Variants in PTP4A3 observed in about 807,000 individuals in gnomAD.
PTP4A3 encodes protein tyrosine phosphatase type IVA 3.
In PTP4A3, 9 loss-of-function variants were observed where a neutral mutation model predicts 15.2. The observed-to-expected ratio is 0.59, with a 90% confidence interval of 0.36 to 1.03. The LOEUF (loss-of-function observed/expected upper bound fraction) is 1.03, where lower values mean the gene tolerates loss of function less well. PTP4A3 is among the 50% of genes least tolerant of loss of function. The probability of loss-of-function intolerance (pLI) is 0.02; values close to 1 mark genes in which losing one functional copy is unlikely to be tolerated. For missense variants in PTP4A3, 234 were observed against 252.1 expected (o/e 0.93, Z 0.49); for synonymous variants, 95 against 102.0 (o/e 0.93, Z 0.41).
Position 141,431,216 on chromosome 8 carries a change from G to T in PTP4A3, c.*172G>T. ...TGCACTTGTGTCCGAGGAGCGAGGA[G>T]CCCCTCGGGCCCTGGGTGGCCTCTG... On this transcript the variant is annotated 3_prime_UTR_variant, in exon 6 of 6. Transcript: ENST00000521578. 1 of 628,918 alleles carries T rather than the reference G, an allele frequency of 1.6e-6. No homozygotes were observed. Among genetic ancestry groups the T allele is most frequent in the South Asian group, 2.0e-5 (1 of 51,152 alleles). 39.0% of individuals were successfully genotyped at this position (628,918 alleles called of 1,614,324 possible).
rs995538447 is a variant in PTP4A3, at chr8:141,400,588, G to T, written c.-854+8504G>T. On this transcript the variant is annotated intron_variant, in intron 1 of 5. Coordinates refer to ENST00000521578, the MANE Select transcript of PTP4A3 (RefSeq NM_032611.3). The stretch of plus-strand genomic sequence containing the variant: ...CCACCCCCATGATGGGCTCTCCTAA[G>T]TGAGGCCATGGACAGCCAGGATGTG... Among the ~76,000 whole-genome samples, 8 of 152,198 alleles carry T rather than the reference G, an allele frequency of 5.3e-5. No individual in the cohort carries two copies. In the East Asian group the frequency reaches 1.3e-3, roughly 26 times the overall value.
chr8:141,408,128 G>A (rs1832776615), intron 1 of PTP4A3, among the ~76,000 whole-genome samples: 4 of 152,320 alleles, frequency 2.6e-5, no homozygotes, highest in Admixed American at 1.3e-4. Context: ...GCCACGTGGT[G>A]TGTGAGGCCA....
Position 141,422,256 on chromosome 8 carries a change from C to G in PTP4A3, c.16C>G (p.Arg6Gly), listed in dbSNP as rs945482557. ...GGGAGGCGCCATGGCTCGGATGAAC[C>G]GCCCGGCCCCGGTGGAGGTGAGCTA... MARMN[R>G]PAPVEVSYKH... Residue 6 changes from arginine (R) to glycine (G), a missense_variant, in exon 2 of 6, where the codon CGC becomes GGC. Physicochemically the swap from Arg to Gly is moderately radical, Grantham distance 125. Transcript: ENST00000521578. The G allele has an allele frequency of 1.2e-6, 2 of 1,613,046 alleles. No homozygotes were observed. The highest frequency in any genetic ancestry group is 2.2e-5 in the South Asian group (2 of 91,084).
At position 141,422,028 on chromosome 8, in the gene PTP4A3, T is replaced by C; in HGVS notation, c.-213T>C. ...TAAGAGTTGGGTTTTCTTTTTTAAT[T>C]ATCCAAACAGTGGGCAGCTTCCTCC... On this transcript the variant is annotated 5_prime_UTR_variant, in exon 2 of 6. Coordinates refer to ENST00000521578, the MANE Select transcript of PTP4A3 (RefSeq NM_032611.3). 1.9e-6 allele frequency: 1 copy of C among 513,056 alleles called. No individual in the cohort carries two copies. The highest frequency in any genetic ancestry group is 3.4e-6 in the Non-Finnish European group (1 of 293,086). 31.8% of individuals were successfully genotyped at this position (513,056 alleles called of 1,614,324 possible). A position where few individuals can be genotyped will look rare whatever the true frequency, so the allele number is the denominator to read the frequency against.
intron 1 of PTP4A3, among the ~76,000 whole-genome samples, chr8:141,394,155 G>A (rs1832377076): frequency 6.6e-6 from 1 of 152,188 alleles, no homozygotes; most frequent in African/African-American, 2.4e-5. Flanking sequence ...CCAGATGGCG[G>A]TGATACAGCT....
intron 1 of PTP4A3, among the ~76,000 whole-genome samples, chr8:141,401,882 G>A (rs1000434477): frequency 2.0e-5 from 3 of 152,072 alleles, no homozygotes; most frequent in African/African-American, 4.8e-5. Flanking sequence ...CCCCTCCCCC[G>A]CTGTGGCCCC....
chr8:141,429,392 C>T (rs1253927689), intron 5 of PTP4A3, among the ~76,000 whole-genome samples: 1 of 152,282 alleles, frequency 6.6e-6, no homozygotes, highest in Non-Finnish European at 1.5e-5. Context: ...CCCTCAACGC[C>T]TGTCACCTCA....
intron 5 of PTP4A3, among the ~76,000 whole-genome samples, chr8:141,428,399 C>T (rs1326499217): frequency 6.6e-6 from 1 of 152,118 alleles, no homozygotes; most frequent in Non-Finnish European, 1.5e-5. Flanking sequence ...CCCAGGGGGT[C>T]CTGGGGGAGT....
At position 141,412,830 on chromosome 8, in the gene PTP4A3, G is replaced by C. The variant is rs1832905321; in HGVS notation, c.-853-8558G>C. Among the ~76,000 whole-genome samples the C allele has an allele frequency of 2.0e-5, 3 of 152,226 alleles. No individual in the cohort carries two copies. The South Asian group carries it at 6.2e-4, about 31-fold the overall frequency. Reference sequence around the variant, plus strand: ...TTGTGTGGGTGACTAACAAGGTCTGGGAGCTCAGGAGAGGGGCCCAGAGGC... The same window carrying C: ...TTGTGTGGGTGACTAACAAGGTCTGCGAGCTCAGGAGAGGGGCCCAGAGGC... On this transcript the variant is annotated intron_variant, in intron 1 of 5. Coordinates refer to ENST00000521578, the MANE Select transcript of PTP4A3 (RefSeq NM_032611.3).
In PTP4A3 at chr8:141,431,122, C is replaced by G. The variant is rs760814540; in HGVS notation, c.*78C>G. 7.2e-7 allele frequency: 1 copy of G among 1,398,042 alleles called. No individual in the cohort carries two copies. The highest frequency in any genetic ancestry group is 1.0e-6 in the Non-Finnish European group (1 of 993,040). 86.6% of individuals were successfully genotyped at this position (1,398,042 alleles called of 1,614,324 possible). A position where few individuals can be genotyped will look rare whatever the true frequency, so the allele number is the denominator to read the frequency against. ...CCTGGAGGCCCTGCCCAGCCCTGCTCTGCCCAGCCCAGCAGGGGCTCCAGG... is the reference window on the plus strand; with the variant it reads ...CCTGGAGGCCCTGCCCAGCCCTGCTGTGCCCAGCCCAGCAGGGGCTCCAGG... On this transcript the variant is annotated 3_prime_UTR_variant, in exon 6 of 6. Coordinates refer to ENST00000521578, the MANE Select transcript of PTP4A3 (RefSeq NM_032611.3).
At chr8:141,423,978 C>CGTGACCAGGATCAGGGCTCAGTGT (rs1167865688) in intron 2 of PTP4A3, among the ~76,000 whole-genome samples, 5 of 132,722 alleles carry the variant, frequency 3.8e-5, no homozygotes, top group Admixed American at 3.7e-4. Flanking sequence ...AGGCTCAGGA[C>CGTGACCAGGATCAGGGCTCAGTGT]GTGACCAGGA....
intron 1 of PTP4A3, among the ~76,000 whole-genome samples, chr8:141,395,164 G>A (rs985263745): frequency 2.0e-5 from 3 of 152,238 alleles, no homozygotes; most frequent in African/African-American, 7.2e-5. Context: ...TGGGGCACGA[G>A]CTGTGGGTTC....
intron 1 of PTP4A3, among the ~76,000 whole-genome samples, chr8:141,418,465 G>A (rs1563733582): frequency 6.6e-6 from 1 of 152,212 alleles, no homozygotes; most frequent in African/African-American, 2.4e-5. Flanking sequence ...TGTGGCCCTG[G>A]TGGAGAATGT....
At chr8:141,430,146 G>A (rs78170370) in intron 5 of PTP4A3, among the ~76,000 whole-genome samples, 1 of 148,382 alleles carries the variant, frequency 6.7e-6, no homozygotes, top group African/African-American at 2.5e-5. Flanking sequence ...TAAGGACCAG[G>A]TGGCGGGGAC....
At chr8:141,393,404 C>T (rs1301222967) in intron 1 of PTP4A3, among the ~76,000 whole-genome samples, 2 of 152,238 alleles carry the variant, frequency 1.3e-5, no homozygotes, top group African/African-American at 4.8e-5. Context: ...AGAAGCTGCC[C>T]TGTGTAGGAA....
At chr8:141,394,933 G>A (rs1011260949) in intron 1 of PTP4A3, among the ~76,000 whole-genome samples, 24 of 152,246 alleles carry the variant, frequency 1.6e-4, no homozygotes, top group Non-Finnish European at 2.5e-4. Flanking sequence ...GGTTGGGGGC[G>A]GCCCAGAGTG....
chr8:141,421,630 A>G lies in PTP4A3; in HGVS notation c.-611A>G, dbSNP rs1833334269. 6.5e-6 allele frequency: 1 copy of G among 152,722 alleles called. No individual in the cohort carries two copies. Among genetic ancestry groups the G allele is most frequent in the Non-Finnish European group, 1.5e-5 (1 of 68,470 alleles). The allele number at this position is 152,722 out of a possible 1,614,324, so 9.5% of individuals were successfully genotyped here. On this transcript the variant is annotated 5_prime_UTR_variant, in exon 2 of 6. Transcript: ENST00000521578. ...GATGGGGTAACGTGACACAGGCCCCACACGTCAGAGGCCGCTGTCCCCACG... is the reference window on the plus strand; with the variant it reads ...GATGGGGTAACGTGACACAGGCCCCGCACGTCAGAGGCCGCTGTCCCCACG...
At chr8:141,415,843 G>A (rs1489649841) in intron 1 of PTP4A3, among the ~76,000 whole-genome samples, 2 of 148,938 alleles carry the variant, frequency 1.3e-5, no homozygotes, top group East Asian at 2.1e-4. Flanking sequence ...TGGAGCTGCC[G>A]AGTGCAGGGG....
intron 1 of PTP4A3, among the ~76,000 whole-genome samples, chr8:141,417,673 G>A (rs1350696001): frequency 6.6e-6 from 1 of 152,124 alleles, no homozygotes; most frequent in South Asian, 2.1e-4. Context: ...GCCGGCGGGA[G>A]GAAGGAGGGG....
Sources: gnomAD v4.1 joint callset for allele counts (sites outside exome capture counted in the v4.1 genomes callset) on GRCh38, gnomAD v4.1.1 for gene constraint, MANE v1.5 for transcripts, NCBI Gene and HGNC (gene_info 2026-07-23, HGNC 2026-07-21) for gene names.